The following NCOA6 variants were observed in gnomAD, a reference collection of about 807,000 sequenced individuals.
The protein encoded by NCOA6 is nuclear receptor coactivator 6, also known as NRC RAP250.
Under a neutral mutation model 171.4 loss-of-function variants are expected in NCOA6, and 49 were observed. The ratio of observed to expected loss-of-function variants is 0.29; its 90% CI spans 0.23 to 0.36. The LOEUF (loss-of-function observed/expected upper bound fraction) is 0.36. NCOA6 is among the 10% of genes least tolerant of loss of function. NCOA6 has a pLI of 1.00. For missense variants in NCOA6, 2,248 were observed against 2,554.5 expected, an observed-to-expected ratio of 0.88 and a Z score of 2.59; for synonymous variants, 910 against 927.5, an observed-to-expected ratio of 0.98 and a Z score of 0.34.
intron 1 of NCOA6, among the ~76,000 whole-genome samples, chr20:34,811,185 A>G (rs1264721286): frequency 8.3e-6 from 1 of 121,194 alleles, no homozygotes; most frequent in East Asian, 2.4e-4. Context: ...CTATTTAACA[A>G]CAACAACAAC....
At chr20:34,800,044 G>A (rs2078207191) in intron 1 of NCOA6, among the ~76,000 whole-genome samples, 1 of 152,088 alleles carries the variant, frequency 6.6e-6, no homozygotes, top group South Asian at 2.1e-4. Context: ...AACTTTTCCA[G>A]ACAGTACAAT....
Position 34,742,885 on chromosome 20 carries a change from G to A in NCOA6, c.3371C>T (p.Ser1124Leu), listed in dbSNP as rs1157478730. The A allele has an allele frequency of 1.9e-6, 3 of 1,614,080 alleles. No homozygotes were observed. Among genetic ancestry groups the A allele is most frequent in the Non-Finnish European group, 1.7e-6 (2 of 1,180,036 alleles). The change falls in exon 11 of 15, where the codon TCG becomes TTG. Residue 1124 changes from serine (S) to leucine (L), a missense_variant. Coordinates refer to ENST00000359003, the MANE Select transcript of NCOA6 (RefSeq NM_014071.5). ...YQESPQNPSSSPLAEMASLPE... is the reference protein window; with the variant it reads ...YQESPQNPSSLPLAEMASLPE... ...GAGTGAGGCCATCTCCGCCAGTGGCGAGCTGGAAGGATTCTGCGGGCTCTC... is the reference window on the plus strand; with the variant it reads ...GAGTGAGGCCATCTCCGCCAGTGGCAAGCTGGAAGGATTCTGCGGGCTCTC...
chr20:34,799,562 G>A (rs556395119), intron 1 of NCOA6, among the ~76,000 whole-genome samples: 3 of 152,136 alleles, frequency 2.0e-5, no homozygotes, highest in Admixed American at 6.5e-5. Flanking sequence ...AAAGGTCAAC[G>A]ATAAAGAAAG....
intron 14 of NCOA6, among the ~76,000 whole-genome samples, chr20:34,726,148 T>C (rs1456497455): frequency 6.6e-6 from 1 of 151,918 alleles, no homozygotes; most frequent in East Asian, 1.9e-4. Context: ...AAAAAGGAGA[T>C]AGTAGTCAAC....
chr20:34,798,815 T>C (rs2078165004), intron 1 of NCOA6, among the ~76,000 whole-genome samples: 1 of 152,174 alleles, frequency 6.6e-6, no homozygotes, highest in African/African-American at 2.4e-5. Flanking sequence ...ACAAGAGACC[T>C]GGATCACAAC....
Position 34,757,073 on chromosome 20 carries a change from T to C in NCOA6, c.1528+147A>G, listed in dbSNP as rs1462632601. 4 of 801,200 alleles carry C rather than the reference T, an allele frequency of 5.0e-6. No individual in the cohort carries two copies. The East Asian group carries it at 8.4e-5, about 17-fold the overall frequency. The allele number at this position is 801,200 out of a possible 1,614,324, so 49.6% of individuals were successfully genotyped here. A position where few individuals can be genotyped will look rare whatever the true frequency, so the allele number is the denominator to read the frequency against. ...GCTGCATAACGTATCAAGTTAACTTTAAGTTATATCAAGTGTCACCACCAT... is the reference window on the plus strand; with the variant it reads ...GCTGCATAACGTATCAAGTTAACTTCAAGTTATATCAAGTGTCACCACCAT... On this transcript the variant is annotated intron_variant, in intron 7 of 14. Coordinates refer to ENST00000359003, the MANE Select transcript of NCOA6 (RefSeq NM_014071.5).
At chr20:34,751,148 A>C (rs2076466337) in intron 8 of NCOA6, among the ~76,000 whole-genome samples, 2 of 151,830 alleles carry the variant, frequency 1.3e-5, no homozygotes, top group Admixed American at 1.3e-4. Context: ...AGGCGGGTGG[A>C]TCACGAGGTC....
chr20:34,737,200 T>C (rs1159959863), intron 11 of NCOA6, among the ~76,000 whole-genome samples: 1 of 152,186 alleles, frequency 6.6e-6, no homozygotes, highest in African/African-American at 2.4e-5. Flanking sequence ...AGAGTGGAAA[T>C]GGTCACATAA....
chr20:34,812,431 G>C (rs2078698221), intron 1 of NCOA6, among the ~76,000 whole-genome samples: 1 of 151,934 alleles, frequency 6.6e-6, no homozygotes, highest in Admixed American at 6.6e-5. Context: ...GTTTGCTCTT[G>C]GTAGGGATAA....
chr20:34,725,414 G>A (rs1030777235), intron 14 of NCOA6, among the ~76,000 whole-genome samples: 2 of 152,182 alleles, frequency 1.3e-5, no homozygotes, highest in Non-Finnish European at 2.9e-5. Context: ...GGAGAAGAGA[G>A]GTGGGCAGAG....
At chr20:34,739,566 T>C (rs558940516) in intron 11 of NCOA6, among the ~76,000 whole-genome samples, 55 of 152,314 alleles carry the variant, frequency 3.6e-4, no homozygotes, top group African/African-American at 1.2e-3. Flanking sequence ...TGAGGACCCA[T>C]TGTTCTGAAA....
chr20:34,753,342 T>A (rs1460787966), intron 8 of NCOA6, among the ~76,000 whole-genome samples: 3 of 149,650 alleles, frequency 2.0e-5, no homozygotes, highest in East Asian at 4.3e-4. Flanking sequence ...CCACCGCACC[T>A]GGCCTGTTTT....
intron 12 of NCOA6, among the ~76,000 whole-genome samples, chr20:34,734,084 AT>A (rs904955841): frequency 6.6e-6 from 1 of 151,670 alleles, no homozygotes; most frequent in Admixed American, 6.6e-5. Flanking sequence ...ATTGTTTTTT[AT>A]TTTTTTGAGA....
intron 13 of NCOA6, among the ~76,000 whole-genome samples, chr20:34,731,961 C>T (rs2075795716): frequency 1.3e-5 from 2 of 152,158 alleles, no homozygotes; most frequent in Non-Finnish European, 2.9e-5. Context: ...GTGGAGGTTG[C>T]AGTGTGCCGA....
chr20:34,741,141 G>C lies in NCOA6; in HGVS notation c.5115C>G (p.Asn1705Lys), dbSNP rs777225494. The C allele has an allele frequency of 6.2e-7, 1 of 1,614,236 alleles. No individual in the cohort carries two copies. The highest frequency in any genetic ancestry group is 8.5e-7 in the Non-Finnish European group (1 of 1,180,038). ...AVVGPLHIPQNIKFSSAPVPP... is the reference protein window; with the variant it reads ...AVVGPLHIPQKIKFSSAPVPP... ...GTACAGGAGCAGAAGAAAATTTTATGTTCTGAGGTATGTGTAAAGGGCCAA... is the reference window on the plus strand; with the variant it reads ...GTACAGGAGCAGAAGAAAATTTTATCTTCTGAGGTATGTGTAAAGGGCCAA... The change falls in exon 11 of 15, where the codon AAC becomes AAG. Residue 1705 changes from asparagine (N) to lysine (K), a missense_variant. Coordinates refer to ENST00000359003, the MANE Select transcript of NCOA6 (RefSeq NM_014071.5).
At chr20:34,810,749 G>A (rs558516596) in intron 1 of NCOA6, among the ~76,000 whole-genome samples, 8 of 151,972 alleles carry the variant, frequency 5.3e-5, no homozygotes, top group African/African-American at 1.7e-4. Flanking sequence ...GAAGAGTCGC[G>A]GTTTCACCGT....
At chr20:34,771,758 C>G (rs1013175074) in intron 4 of NCOA6, among the ~76,000 whole-genome samples, 2 of 152,226 alleles carry the variant, frequency 1.3e-5, no homozygotes, top group Non-Finnish European at 2.9e-5. Context: ...GAACAGTTCT[C>G]TGCACTCTTC....
At chr20:34,822,401 G>C (rs1045960641) in intron 1 of NCOA6, among the ~76,000 whole-genome samples, 1 of 152,048 alleles carries the variant, frequency 6.6e-6, no homozygotes, top group Non-Finnish European at 1.5e-5. Context: ...CCCTGAAAAC[G>C]TGTCTTTACC....
intron 5 of NCOA6, among the ~76,000 whole-genome samples, chr20:34,761,857 T>C (rs1041233939): frequency 1.6e-4 from 25 of 152,184 alleles, no homozygotes; most frequent in African/African-American, 4.6e-4. Context: ...GGTTTCACTA[T>C]GTTGGCCAGG....
Sources: allele counts gnomAD v4.1 joint callset (sites outside exome capture counted in the v4.1 genomes callset), GRCh38; gene constraint gnomAD v4.1.1; transcripts MANE v1.5; gene names NCBI Gene and HGNC (gene_info 2026-07-23, HGNC 2026-07-21).